Variants in DCP1B observed in about 807,000 individuals in gnomAD.
DCP1B encodes the protein decapping mRNA 1B, also known as mRNA-decapping enzyme 1B.
DCP1B carries 47 observed loss-of-function variants against 60.5 expected under a neutral mutation model. That is an observed-to-expected ratio of 0.78 (90% CI 0.61 to 0.99). The LOEUF (loss-of-function observed/expected upper bound fraction) is 0.99, where lower values mean the gene tolerates loss of function less well. DCP1B is among the 50% of genes least tolerant of loss of function. The probability of loss-of-function intolerance (pLI) is 0.00; values close to 1 mark genes in which losing one functional copy is unlikely to be tolerated. For synonymous variants in DCP1B, 267 were observed against 280.3 expected, an observed-to-expected ratio of 0.95 and a Z score of 0.47; for missense variants, 725 against 756.8, an observed-to-expected ratio of 0.96 and a Z score of 0.49.
At chr12:1,978,636 T>C (rs1392410435) in intron 3 of DCP1B, among the ~76,000 whole-genome samples, 1 of 152,174 alleles carries the variant, frequency 6.6e-6, no homozygotes. Context: ...AAACAAGATA[T>C]AAAATATTTT....
In DCP1B at chr12:1,953,126, G is replaced by A. The variant is rs759513729; in HGVS notation, c.814C>T (p.Arg272Cys). Residue 272 changes from arginine to cysteine, a missense_variant, in exon 7 of 9, where the codon CGC becomes TGC. Physicochemically the swap from Arg to Cys is radical, Grantham distance 180. Coordinates refer to ENST00000280665, the MANE Select transcript of DCP1B (RefSeq NM_152640.5). Reference sequence around the variant, plus strand: ...CTGGGTTCCTCATAGGACAGGGAGCGTACAACCCCCTGCCTAATTGGAAGC... The same window carrying A: ...CTGGGTTCCTCATAGGACAGGGAGCATACAACCCCCTGCCTAATTGGAAGC... ...EKLPIRQGVV[R>C]SLSYEEPRRH... 22 of 1,613,360 alleles carry A rather than the reference G, an allele frequency of 1.4e-5. No individual in the cohort carries two copies. The African/African-American group carries it at 1.7e-4, about 13-fold the overall frequency.
chr12:1,993,650 G>GTGTT (rs2040070849), intron 2 of DCP1B, among the ~76,000 whole-genome samples: 1 of 149,398 alleles, frequency 6.7e-6, no homozygotes, highest in South Asian at 2.1e-4. Flanking sequence ...GTGTGTGTGT[G>GTGTT]TGTGTGTATA....
chr12:1,965,970 C>CACAACACAGCAAGCTCAAAGG (rs2154457126), intron 4 of DCP1B: 1 of 339,302 alleles, frequency 2.9e-6, no homozygotes, highest in South Asian at 4.7e-5. Flanking sequence ...AAGCTCAACA[C>CACAACACAGCAAGCTCAAAGG]AGCCATGCTC....
rs2030746550 is a variant in DCP1B at position 1,953,088 on chromosome 12, G to A, written c.852C>T (p.Pro284=). 1.2e-6 allele frequency: 2 copies of A among 1,614,078 alleles called. No homozygotes were observed. The highest frequency in any genetic ancestry group is 1.7e-6 in the Non-Finnish European group (2 of 1,179,990). Residue 284 remains proline (P), a synonymous_variant, in exon 7 of 9, where the codon CCC becomes CCT. Transcript: ENST00000280665. ...CTGGACAGAGCTGCTTCTCAATGGG[G>A]GGTGAGTGTCTTCTGGGTTCCTCAT... ...LSYEEPRRHS[P]PIEKQLCPAI... is the part of the protein sequence containing the mutation.
chr12:1,966,416 A>G (rs2031296419), intron 4 of DCP1B, among the ~76,000 whole-genome samples: 1 of 152,236 alleles, frequency 6.6e-6, no homozygotes, highest in Non-Finnish European at 1.5e-5. Context: ...GGTGATGTCG[A>G]GGAAAATATA....
At chr12:1,955,840 G>A (rs2030865615) in intron 5 of DCP1B, among the ~76,000 whole-genome samples, 1 of 151,532 alleles carries the variant, frequency 6.6e-6, no homozygotes, top group Non-Finnish European at 1.5e-5. Flanking sequence ...TAATTGAAAG[G>A]TTCTGTGCTT....
intron 3 of DCP1B, chr12:1,970,842 T>C (rs10774009): frequency 0.99 from 279,416 of 283,262 alleles, 137,829 homozygotes; most frequent in East Asian, 1. Context: ...AAGAATCAAG[T>C]AAGAAGGTGT....
At chr12:1,950,566 TAATA>T (rs1267407149) in intron 7 of DCP1B, among the ~76,000 whole-genome samples, 1 of 152,212 alleles carries the variant, frequency 6.6e-6, no homozygotes, top group African/African-American at 2.4e-5. Context: ...TTTGGGATGT[TAATA>T]AATAATAAAT....
chr12:1,979,165 ATC>A (rs1338568615), intron 3 of DCP1B, among the ~76,000 whole-genome samples: 1 of 152,142 alleles, frequency 6.6e-6, no homozygotes, highest in Non-Finnish European at 1.5e-5. Context: ...CGTGCCCGCC[ATC>A]GAGCCTGGCT....
rs540972361 is a variant in DCP1B, at chr12:1,948,585, G to A, written c.1773+501C>T. On this transcript the variant is annotated intron_variant, in intron 8 of 8. Transcript: ENST00000280665. This position sits in a 1 kb window ranked among gnomAD's most constrained non-coding sequence, Gnocchi z 4.8. ...ACAAGGAGTCCTGTCACTCCATCCCGTCCTAATGAGCAGGTTTCAAAATGA... is the reference window on the plus strand; with the variant it reads ...ACAAGGAGTCCTGTCACTCCATCCCATCCTAATGAGCAGGTTTCAAAATGA... Among the ~76,000 whole-genome samples, 46 of 152,160 alleles carry A rather than the reference G, an allele frequency of 3.0e-4. No homozygotes were observed. Among genetic ancestry groups the A allele is most frequent in the Non-Finnish European group, 6.3e-4 (43 of 68,026 alleles).
At chr12:1,991,773 A>G (rs2039489228) in intron 3 of DCP1B, 1 of 156,224 alleles carries the variant, frequency 6.4e-6, no homozygotes, top group Non-Finnish European at 1.4e-5. Flanking sequence ...AAATTGATGC[A>G]TTAAAGAGAG....
In DCP1B at chr12:1,946,198, C is replaced by G. The variant is rs749725232; in HGVS notation, c.*8G>C. On this transcript the variant is annotated 3_prime_UTR_variant, in exon 9 of 9. Coordinates refer to ENST00000280665, the MANE Select transcript of DCP1B (RefSeq NM_152640.5). ...GACCTTGAAAATCAGTTTTAAAAGGCCTTGCTGTCACATAGTCTTTTTCAT... is the reference window on the plus strand; with the variant it reads ...GACCTTGAAAATCAGTTTTAAAAGGGCTTGCTGTCACATAGTCTTTTTCAT... The G allele has an allele frequency of 6.3e-5, 99 of 1,581,328 alleles. No homozygotes were observed. Among genetic ancestry groups the G allele is most frequent in the South Asian group, 1.9e-4 (16 of 83,196 alleles).
chr12:1,941,994 C>T (rs2030291677), downstream of DCP1B, among the ~76,000 whole-genome samples: 1 of 152,060 alleles, frequency 6.6e-6, no homozygotes, highest in Non-Finnish European at 1.5e-5. Context: ...CACAGAGTGG[C>T]AAATTGGATA....
chr12:1,942,925 A>G (rs1677834666), downstream of DCP1B, among the ~76,000 whole-genome samples: 1 of 152,230 alleles, frequency 6.6e-6, no homozygotes, highest in African/African-American at 2.4e-5. Flanking sequence ...AAGCTAACAG[A>G]AGACAAGAAA....
intron 7 of DCP1B, among the ~76,000 whole-genome samples, chr12:1,949,536 G>A (rs930171945): frequency 1.3e-5 from 2 of 152,226 alleles, no homozygotes; most frequent in East Asian, 1.9e-4. Context: ...ATCGTCTGCT[G>A]TGGGGACTAT....
In DCP1B at chr12:2,004,452, A is replaced by T. The variant is rs202023042; in HGVS notation, c.-21T>A. 2 of 1,596,280 alleles carry T rather than the reference A, an allele frequency of 1.3e-6. No homozygotes were observed. Among genetic ancestry groups the T allele is most frequent in the Non-Finnish European group, 1.7e-6 (2 of 1,171,762 alleles). On this transcript the variant is annotated 5_prime_UTR_variant, in exon 1 of 9. Transcript: ENST00000280665. Reference sequence around the variant, plus strand: ...GCCATCTTCCCTCCCTCCCAGACATAGGCACGGGGCTCTTGGAAGCCACTC... The same window carrying T: ...GCCATCTTCCCTCCCTCCCAGACATTGGCACGGGGCTCTTGGAAGCCACTC...
chr12:1,987,002 G>C (rs1335764664), intron 3 of DCP1B, among the ~76,000 whole-genome samples: 1 of 151,834 alleles, frequency 6.6e-6, no homozygotes, highest in African/African-American at 2.4e-5. Context: ...TGGAATAGAA[G>C]TGGGGATAGA....
chr12:1,993,814 C>T (rs918640573), intron 2 of DCP1B, among the ~76,000 whole-genome samples: 3 of 151,960 alleles, frequency 2.0e-5, no homozygotes, highest in Non-Finnish European at 2.9e-5. Flanking sequence ...TTAGAGTGTA[C>T]ATCACAATTA....
In DCP1B at chr12:1,959,976, AT is replaced by A. The variant is rs1271799565; in HGVS notation, c.523-4417del. ...CTCCGTCTCAAAAAAAAAAAAAAAA[AT>A]TTATGTTGGCTCCTCAAAAAATTAG... is the stretch of plus-strand genomic sequence containing the variant. On this transcript the variant is annotated intron_variant, in intron 5 of 8. Transcript: ENST00000280665. Among the ~76,000 whole-genome samples the A allele has an allele frequency of 6.2e-5, 9 of 144,004 alleles. No homozygotes were observed. In the East Asian group the frequency reaches 8.4e-4, roughly 13 times the overall value. 94.5% of individuals were successfully genotyped at this position (144,004 alleles called of 152,430 possible). A position where few individuals can be genotyped will look rare whatever the true frequency, so the allele number is the denominator to read the frequency against.
Sources: allele counts gnomAD v4.1 joint callset (sites outside exome capture counted in the v4.1 genomes callset), GRCh38; gene constraint gnomAD v4.1.1; non-coding constraint Gnocchi (gnomAD v3.1); transcripts MANE v1.5; gene names NCBI Gene and HGNC (gene_info 2026-07-23, HGNC 2026-07-21).